The following PDE6A variants were observed in gnomAD, a reference collection of about 807,000 sequenced individuals.
PDE6A encodes rod cGMP-specific 3',5'-cyclic phosphodiesterase subunit alpha.
A neutral mutation model predicts 106.3 loss-of-function variants in PDE6A; 84 were observed. That is an observed-to-expected ratio of 0.79 (90% CI 0.66 to 0.95). PDE6A has a LOEUF of 0.95. Ranked by LOEUF, PDE6A falls within the 40% of genes least tolerant of loss-of-function variation. The pLI is 0.00. For missense variants in PDE6A, 1,052 were observed against 1,084.9 expected, an observed-to-expected ratio of 0.97 and a Z score of 0.43; for synonymous variants, 394 against 386.6, an observed-to-expected ratio of 1.02 and a Z score of -0.23.
chr5:149,862,313 T>C (rs1760174309), intron 21 of PDE6A, among the ~76,000 whole-genome samples: 1 of 152,126 alleles, frequency 6.6e-6, no homozygotes, highest in Admixed American at 6.5e-5. Context: ...AAGGAACAAT[T>C]TGAGTTCTAG....
chr5:149,911,203 G>A (rs1753375004), intron 6 of PDE6A, among the ~76,000 whole-genome samples: 1 of 152,108 alleles, frequency 6.6e-6, no homozygotes, highest in African/African-American at 2.4e-5. Flanking sequence ...CAATTGGCAT[G>A]ATGATGAAGT....
chr5:149,943,121 C>A (rs1754365753), intron 1 of PDE6A, among the ~76,000 whole-genome samples: 1 of 152,102 alleles, frequency 6.6e-6, no homozygotes. Flanking sequence ...TGGGGAGAAA[C>A]CTTGGACCAT....
intron 17 of PDE6A, among the ~76,000 whole-genome samples, chr5:149,869,752 G>A (rs1760468031): frequency 6.6e-6 from 1 of 152,154 alleles, no homozygotes; most frequent in Admixed American, 6.5e-5. Flanking sequence ...GAGGGGGATG[G>A]GGTGCTGCAG....
intron 6 of PDE6A, among the ~76,000 whole-genome samples, chr5:149,911,842 C>CAAAAAAAAAAA (rs11430549): frequency 4.1e-4 from 27 of 66,114 alleles, no homozygotes; most frequent in Non-Finnish European, 7.3e-4. Flanking sequence ...TCTCTATTAC[C>CAAAAAAAAAAA]AAAAAAAAAA....
intron 17 of PDE6A, among the ~76,000 whole-genome samples, chr5:149,882,260 C>T (rs986480175): frequency 4.6e-5 from 7 of 152,018 alleles, no homozygotes; most frequent in South Asian, 2.1e-4. Context: ...CTGCTGCCCC[C>T]CCCGTTTCCG....
At position 149,886,346 on chromosome 5, in the gene PDE6A, T is replaced by A; in HGVS notation, c.1757A>T (p.Asp586Val). 1 of 1,614,164 alleles carries A rather than the reference T, an allele frequency of 6.2e-7. No individual in the cohort carries two copies. The highest frequency in any genetic ancestry group is 8.5e-7 in the Non-Finnish European group (1 of 1,179,998). ...AGTGACCATGGCCAAGGCCTCTAGG[T>A]CCGTGAAGTAGCGCTTCAGCTTTCC... Reference protein sequence around the residue: ...VTGKLKRYFTDLEALAMVTAA... With the variant: ...VTGKLKRYFTVLEALAMVTAA... The change falls in exon 14 of 22, where the codon GAC (aspartate) becomes GTC (valine). Residue 586 changes from aspartate (D) to valine (V), a missense_variant. By Grantham distance (152) the Asp-to-Val change is radical. Coordinates refer to ENST00000255266, the MANE Select transcript of PDE6A (RefSeq NM_000440.3).
chr5:149,870,911 GAGAA>G (rs1041219083), intron 17 of PDE6A, among the ~76,000 whole-genome samples: 31 of 149,492 alleles, frequency 2.1e-4, no homozygotes, highest in Middle Eastern at 3.4e-3. Flanking sequence ...GGAAAAGAAA[GAGAA>G]AGAAAGAAGA....
At chr5:149,868,655 C>T (rs946620220) in intron 17 of PDE6A, among the ~76,000 whole-genome samples, 3 of 152,054 alleles carry the variant, frequency 2.0e-5, no homozygotes, top group African/African-American at 7.2e-5. Context: ...TTTTTCTCAT[C>T]ATTGTTCCCT....
intron 1 of PDE6A, among the ~76,000 whole-genome samples, chr5:149,935,319 C>T (rs1312798060): frequency 6.6e-6 from 1 of 151,880 alleles, no homozygotes; most frequent in East Asian, 1.9e-4. Context: ...AGCTCTGCTG[C>T]CTCTTAGAGA....
intron 13 of PDE6A, among the ~76,000 whole-genome samples, chr5:149,888,509 T>A (rs1378906929): frequency 6.8e-6 from 1 of 147,368 alleles, no homozygotes. Context: ...TAACTAATAA[T>A]TAATATATTA....
chr5:149,884,398 G>A (rs966911758), intron 16 of PDE6A, 81 bp downstream of exon 16: 13 of 816,074 alleles, frequency 1.6e-5, no homozygotes, highest in Non-Finnish European at 2.1e-5. Flanking sequence ...GTGTATATAT[G>A]TATATATATG....
intron 4 of PDE6A, among the ~76,000 whole-genome samples, chr5:149,924,306 G>T (rs1753813934): frequency 6.6e-6 from 1 of 152,076 alleles, no homozygotes; most frequent in Non-Finnish European, 1.5e-5. Context: ...CCTCATGTGG[G>T]CCAAACACTG....
At chr5:149,879,019 T>C (rs1760836398) in intron 17 of PDE6A, among the ~76,000 whole-genome samples, 1 of 152,170 alleles carries the variant, frequency 6.6e-6, no homozygotes. Context: ...TGACTTACGA[T>C]TTTCATGTCA....
intron 19 of PDE6A, 59 bp from the exon 20 acceptor site, chr5:149,866,312 A>G (rs1055868824): frequency 8.4e-7 from 1 of 1,191,978 alleles, no homozygotes; most frequent in African/African-American, 1.5e-5. Flanking sequence ...TACCCTATCT[A>G]TGAAGCATTC....
intron 17 of PDE6A, 107 bp downstream of exon 17, chr5:149,883,322 A>G: frequency 3.9e-6 from 3 of 775,974 alleles, no homozygotes; most frequent in Non-Finnish European, 4.6e-6. Context: ...AAGGCCTCCA[A>G]AATGAAATAG....
intron 7 of PDE6A, among the ~76,000 whole-genome samples, chr5:149,906,519 C>CAAAAACAAAAAAAAAAAAA (rs1753189010): frequency 1.8e-5 from 1 of 54,204 alleles, no homozygotes; most frequent in South Asian, 6.3e-4. Flanking sequence ...GAGACACTGT[C>CAAAAACAAAAAAAAAAAAA]AAAAAAAAAA....
Position 149,929,606 on chromosome 5 carries a change from C to CAAAAAATA in PDE6A, c.858+1414_858+1421dup, listed in dbSNP as rs1299460311. ...TGGGTGACAGAGCGAGACTCCGTCT[C>CAAAAAATA]AAAAAATAAATAAATAAATAAATAA... On this transcript the variant is annotated intron_variant, in intron 4 of 21. Coordinates refer to ENST00000255266, the MANE Select transcript of PDE6A (RefSeq NM_000440.3). Among the ~76,000 whole-genome samples, 77 of 71,482 alleles carry CAAAAAATA rather than the reference C, an allele frequency of 1.1e-3. No individual in the cohort carries two copies. The Middle Eastern group carries it at 0.036, about 33-fold the overall frequency. 46.9% of individuals were successfully genotyped at this position (71,482 alleles called of 152,430 possible).
intron 1 of PDE6A, among the ~76,000 whole-genome samples, chr5:149,935,003 A>G (rs1754143161): frequency 6.6e-6 from 1 of 152,198 alleles, no homozygotes. Context: ...GGAGGGTTAG[A>G]GAAGGCTTTC....
At chr5:149,932,091 TC>T in intron 3 of PDE6A, 1 of 1,353,598 alleles carries the variant, frequency 7.4e-7, no homozygotes, top group South Asian at 1.2e-5. Flanking sequence ...TTTAGCACGT[TC>T]TTTGTTCTCC....
Sources: gnomAD v4.1 joint callset for allele counts (sites outside exome capture counted in the v4.1 genomes callset) on GRCh38, gnomAD v4.1.1 for gene constraint, MANE v1.5 for transcripts, NCBI Gene and HGNC (gene_info 2026-07-23, HGNC 2026-07-21) for gene names.